The following ANKRD44 variants were observed in gnomAD, a reference collection of about 807,000 sequenced individuals.
ANKRD44 encodes the protein ankyrin repeat domain 44.
In ANKRD44, 35 loss-of-function variants were observed where a neutral mutation model predicts 116.0. The ratio of observed to expected loss-of-function variants is 0.30; its 90% CI spans 0.23 to 0.40. The LOEUF is 0.40. ANKRD44 is among the 10% of genes least tolerant of loss of function. The pLI, the probability that ANKRD44 is intolerant of heterozygous loss-of-function variation, is 1.00. For missense variants in ANKRD44, 1,014 were observed against 1,242.6 expected (o/e 0.82, Z 2.77); for synonymous variants, 435 against 461.8 (o/e 0.94, Z 0.74).
At chr2:197,083,290 T>C (rs1432441006) in intron 14 of ANKRD44, 79 bp downstream of exon 14, 2 of 1,494,472 alleles carry the variant, frequency 1.3e-6, no homozygotes, top group East Asian at 2.4e-5. Context: ...CATGAGGCGG[T>C]ATGAAGAAAA....
intron 2 of ANKRD44, chr2:197,147,849 T>C (rs1049749707): frequency 8.8e-5 from 40 of 455,154 alleles, no homozygotes; most frequent in Non-Finnish European, 1.6e-4. Flanking sequence ...TCTGAGAATG[T>C]TGACATTAAG....
chr2:197,261,767 C>T (rs2082611467), intron 1 of ANKRD44, among the ~76,000 whole-genome samples: 1 of 152,070 alleles, frequency 6.6e-6, no homozygotes, highest in South Asian at 2.1e-4. Flanking sequence ...AAATCAGAAC[C>T]ACGCTTGAGA....
intron 1 of ANKRD44, among the ~76,000 whole-genome samples, chr2:197,250,626 C>T (rs953210036): frequency 3.3e-5 from 5 of 152,138 alleles, no homozygotes; most frequent in Admixed American, 6.6e-5. Flanking sequence ...GTACCAGGCA[C>T]CTTACTATAC....
chr2:197,096,822 C>G (rs868422854), intron 10 of ANKRD44, among the ~76,000 whole-genome samples: 1 of 152,074 alleles, frequency 6.6e-6, no homozygotes, highest in African/African-American at 2.4e-5. Flanking sequence ...AATTACTCTT[C>G]CCTTCACTTT....
intron 2 of ANKRD44, among the ~76,000 whole-genome samples, chr2:197,163,938 C>G (rs2080034016): frequency 6.6e-6 from 1 of 152,168 alleles, no homozygotes; most frequent in Admixed American, 6.5e-5. Context: ...ACCACTATTT[C>G]TTAAAAGGTG....
intron 16 of ANKRD44, among the ~76,000 whole-genome samples, chr2:197,076,772 T>C (rs972223234): frequency 2.0e-5 from 3 of 151,564 alleles, no homozygotes; most frequent in Admixed American, 6.6e-5. Flanking sequence ...TTCTTGCTCC[T>C]GTGTTTGTTT....
At chr2:197,308,360 G>A (rs2084138240) in intron 1 of ANKRD44, among the ~76,000 whole-genome samples, 1 of 152,094 alleles carries the variant, frequency 6.6e-6, no homozygotes, top group African/African-American at 2.4e-5. Flanking sequence ...TAATCTGTGA[G>A]GTTAAGAACT....
chr2:197,261,091 A>G (rs2082591366), intron 1 of ANKRD44, among the ~76,000 whole-genome samples: 1 of 151,716 alleles, frequency 6.6e-6, no homozygotes, highest in Admixed American at 6.6e-5. Context: ...ATTAGATTCC[A>G]TTTGTCAACT....
At chr2:197,063,487 A>C (rs1435650600) in intron 16 of ANKRD44, among the ~76,000 whole-genome samples, 1 of 152,204 alleles carries the variant, frequency 6.6e-6, no homozygotes, top group South Asian at 2.1e-4. Flanking sequence ...AGAAGGCTTC[A>C]GATGATCAAA....
At chr2:197,042,598 C>T (rs1306278665) in intron 16 of ANKRD44, among the ~76,000 whole-genome samples, 1 of 151,922 alleles carries the variant, frequency 6.6e-6, no homozygotes, top group Non-Finnish European at 1.5e-5. Context: ...TGCTTCCTAC[C>T]CTCTCTCCCC....
intron 16 of ANKRD44, among the ~76,000 whole-genome samples, chr2:197,056,678 GATA>G: frequency 6.6e-6 from 1 of 152,086 alleles, no homozygotes; most frequent in Non-Finnish European, 1.5e-5. Context: ...TAGTAAAAAT[GATA>G]ATATTTTGTA....
chr2:197,188,248 AAAAG>A (rs1343040212), intron 1 of ANKRD44, among the ~76,000 whole-genome samples: 4 of 152,364 alleles, frequency 2.6e-5, no homozygotes, highest in African/African-American at 7.2e-5. Context: ...AAACACAACC[AAAAG>A]AACAGCTAGC....
At chr2:197,046,114 C>A (rs1426676137) in intron 16 of ANKRD44, among the ~76,000 whole-genome samples, 1 of 152,122 alleles carries the variant, frequency 6.6e-6, no homozygotes, top group Non-Finnish European at 1.5e-5. Flanking sequence ...ATTTTATGGC[C>A]ACATAGCATT....
In ANKRD44 at chr2:197,251,264, T is replaced by C. The variant is rs557263775; in HGVS notation, c.27+59314A>G. 2.4e-3 allele frequency among the ~76,000 whole-genome samples: 366 copies of C among 152,328 alleles called. 1 individual carries two copies. Among genetic ancestry groups the C allele is most frequent in the African/African-American group, 8.5e-3 (353 of 41,580 alleles). ...TAGCTTAAAAACATTCCATATTTTG[T>C]CTGTTGTTGTCTATCCAAATTCTTT... is the stretch of plus-strand genomic sequence containing the variant. On this transcript the variant is annotated intron_variant, in intron 1 of 27. Transcript: ENST00000282272.
chr2:197,008,002 T>TC, intron 19 of ANKRD44, 79 bp from the exon 20 acceptor site: 2 of 837,646 alleles, frequency 2.4e-6, no homozygotes, highest in South Asian at 1.5e-5. Context: ...AGACATTCTC[T>TC]TTCTCCCATT....
intron 2 of ANKRD44, among the ~76,000 whole-genome samples, chr2:197,172,211 A>G (rs1344353312): frequency 1.3e-5 from 2 of 152,086 alleles, no homozygotes; most frequent in Non-Finnish European, 2.9e-5. Context: ...CATATTGGCC[A>G]GGCTGGTCTA....
chr2:197,006,424 G>A (rs1198141351), intron 20 of ANKRD44, among the ~76,000 whole-genome samples: 3 of 152,080 alleles, frequency 2.0e-5, no homozygotes, highest in Non-Finnish European at 2.9e-5. Context: ...CGGCCTGGGC[G>A]ACAGAGCAAG....
intron 16 of ANKRD44, among the ~76,000 whole-genome samples, chr2:197,063,061 C>T (rs541108069): frequency 6.6e-6 from 1 of 152,254 alleles, no homozygotes; most frequent in Non-Finnish European, 1.5e-5. Context: ...AACTGGGAGG[C>T]ACCCTCCAGT....
chr2:197,025,108 C>A, intron 17 of ANKRD44, 88 bp downstream of exon 17: 1 of 1,340,412 alleles, frequency 7.5e-7, no homozygotes, highest in East Asian at 2.3e-5. Context: ...CACTGTGTTA[C>A]TACATTTACA....
Sources: allele counts gnomAD v4.1 joint callset (sites outside exome capture counted in the v4.1 genomes callset), GRCh38; gene constraint gnomAD v4.1.1; transcripts MANE v1.5; gene names NCBI Gene and HGNC (gene_info 2026-07-23, HGNC 2026-07-21).